SRGAP1: variants seen among roughly 807,000 people sequenced by gnomAD.
SRGAP1 encodes SLIT-ROBO Rho GTPase activating protein 1.
In SRGAP1, 43 loss-of-function variants were observed where a neutral mutation model predicts 121.9. The ratio of observed to expected loss-of-function variants is 0.35; its 90% CI spans 0.28 to 0.46. The LOEUF (loss-of-function observed/expected upper bound fraction) is 0.46. Ranked by LOEUF, SRGAP1 falls within the 20% of genes least tolerant of loss-of-function variation. SRGAP1 has a pLI of 1.00. For missense variants in SRGAP1, 1,102 were observed against 1,350.9 expected (o/e 0.82, Z 2.89); for synonymous variants, 447 against 485.4 (o/e 0.92, Z 1.04).
intron 3 of SRGAP1, among the ~76,000 whole-genome samples, chr12:64,001,079 C>T (rs566844857): frequency 5.9e-5 from 9 of 152,198 alleles, no homozygotes; most frequent in Non-Finnish European, 1.2e-4. Context: ...CACACAAACA[C>T]GTAGTACTTT....
At chr12:63,987,751 A>G (rs375335546) in intron 2 of SRGAP1, among the ~76,000 whole-genome samples, 1 of 152,142 alleles carries the variant, frequency 6.6e-6, no homozygotes, top group Non-Finnish European at 1.5e-5. Context: ...AAAAGAAGAT[A>G]CAAAGAATCT....
chr12:64,091,853 C>T (rs1037633497), intron 12 of SRGAP1: 4 of 1,514,270 alleles, frequency 2.6e-6, no homozygotes, highest in South Asian at 2.4e-5. Flanking sequence ...GTTTACTCTT[C>T]GTCTTCTTTT....
At chr12:63,852,598 C>A (rs1448413145) in intron 1 of SRGAP1, among the ~76,000 whole-genome samples, 2 of 152,186 alleles carry the variant, frequency 1.3e-5, no homozygotes, top group African/African-American at 4.8e-5. Context: ...CCCTGGGCTG[C>A]CACGTATTTA....
At chr12:63,855,935 C>T (rs1200511279) in intron 1 of SRGAP1, among the ~76,000 whole-genome samples, 2 of 152,032 alleles carry the variant, frequency 1.3e-5, no homozygotes, top group African/African-American at 2.4e-5. Flanking sequence ...TATCTGCTCC[C>T]AGTCTGTAGC....
chr12:64,072,108 C>CGGTGTGTGTGTGTG (rs1555171579), intron 8 of SRGAP1, among the ~76,000 whole-genome samples: 1 of 80,366 alleles, frequency 1.2e-5, no homozygotes, highest in East Asian at 4.7e-4. Context: ...CAATCTCTCT[C>CGGTGTGTGTGTGTG]TGTGTGTGTG....
At chr12:64,084,806 G>A (rs1379959058) in intron 10 of SRGAP1, among the ~76,000 whole-genome samples, 1 of 151,810 alleles carries the variant, frequency 6.6e-6, no homozygotes, top group African/African-American at 2.4e-5. Flanking sequence ...TCATTTCTAA[G>A]GAATTCTCAT....
At chr12:64,011,654 AAAC>A (rs1048804547) in intron 3 of SRGAP1, among the ~76,000 whole-genome samples, 14 of 152,220 alleles carry the variant, frequency 9.2e-5, no homozygotes, top group Admixed American at 3.3e-4. Flanking sequence ...GAAACATTGG[AAAC>A]AGTACACTTA....
At chr12:63,993,686 G>C (rs1593014113) in intron 3 of SRGAP1, among the ~76,000 whole-genome samples, 1 of 152,162 alleles carries the variant, frequency 6.6e-6, no homozygotes, top group East Asian at 1.9e-4. Context: ...AAGGAGTTTG[G>C]AGCAGGTAAT....
intron 3 of SRGAP1, among the ~76,000 whole-genome samples, chr12:64,003,047 AGAG>A (rs1201862171): frequency 7.6e-6 from 1 of 131,580 alleles, no homozygotes; most frequent in Admixed American, 8.0e-5. Flanking sequence ...AGAGAGAGAG[AGAG>A]AAAGAGAGAA....
Position 64,161,868 on chromosome 12 carries a change from A to G in SRGAP1, c.*19196A>G, listed in dbSNP as rs183515968. The G allele has an allele frequency of 6.6e-6, 1 of 152,376 alleles. No homozygotes were observed. Among genetic ancestry groups the G allele is most frequent in the Non-Finnish European group, 1.5e-5 (1 of 68,042 alleles). 9.4% of individuals were successfully genotyped at this position (152,376 alleles called of 1,614,324 possible). A position where few individuals can be genotyped will look rare whatever the true frequency, so the allele number is the denominator to read the frequency against. ...CAAATGTGGTATATTGATACAATGG[A>G]ATACTATTCTGTAATGAAGATGGGA... is the stretch of plus-strand genomic sequence containing the variant. On this transcript the variant is annotated 3_prime_UTR_variant, in exon 22 of 22. Transcript: ENST00000355086.
chr12:63,907,931 T>C (rs1411036285), intron 1 of SRGAP1, among the ~76,000 whole-genome samples: 1 of 152,216 alleles, frequency 6.6e-6, no homozygotes, highest in Admixed American at 6.5e-5. Flanking sequence ...GGATATCCAG[T>C]TGTGCAGCAC....
chr12:63,950,362 C>T (rs2032247106), intron 1 of SRGAP1, among the ~76,000 whole-genome samples: 1 of 152,188 alleles, frequency 6.6e-6, no homozygotes, highest in Non-Finnish European at 1.5e-5. Context: ...GTCCCTGCAC[C>T]AGGAGTGTGG....
chr12:63,980,082 ACT>A (rs543112699), intron 1 of SRGAP1, among the ~76,000 whole-genome samples: 46 of 152,128 alleles, frequency 3.0e-4, no homozygotes, highest in Middle Eastern at 6.8e-3. Context: ...ACAGGGTGTC[ACT>A]CTGTTGTCCG....
chr12:64,141,239 A>G (rs2036953562), intron 21 of SRGAP1, among the ~76,000 whole-genome samples: 1 of 147,128 alleles, frequency 6.8e-6, no homozygotes, highest in East Asian at 2.0e-4. Context: ...AACCTGCACA[A>G]TGTGCACATG....
At chr12:64,035,301 C>T (rs376647427) in intron 4 of SRGAP1, among the ~76,000 whole-genome samples, 11 of 150,422 alleles carry the variant, frequency 7.3e-5, no homozygotes, top group African/African-American at 2.7e-4. Flanking sequence ...CTACCTAATT[C>T]TCACTCAGCC....
chr12:63,878,148 C>T (rs761314198), intron 1 of SRGAP1, among the ~76,000 whole-genome samples: 15 of 152,228 alleles, frequency 9.9e-5, no homozygotes, highest in Non-Finnish European at 1.8e-4. Context: ...GCCTGAAATG[C>T]GATTGGGCAT....
intron 18 of SRGAP1, among the ~76,000 whole-genome samples, chr12:64,119,710 C>G (rs187324637): frequency 6.8e-6 from 1 of 147,996 alleles, no homozygotes; most frequent in East Asian, 2.0e-4. Context: ...ATTTCTTCAG[C>G]TGTAACTAAT....
chr12:64,108,633 A>G (rs2036382718), intron 15 of SRGAP1: 1 of 214,740 alleles, frequency 4.7e-6, no homozygotes, highest in Middle Eastern at 1.5e-3. Context: ...ATCATATCAG[A>G]TGCAAAATTT....
At chr12:63,883,253 T>G (rs888669534) in intron 1 of SRGAP1, among the ~76,000 whole-genome samples, 7 of 152,236 alleles carry the variant, frequency 4.6e-5, no homozygotes, top group African/African-American at 1.7e-4. Context: ...CAGGACTGTT[T>G]ATATGTTTCA....
Sources: allele counts gnomAD v4.1 joint callset (sites outside exome capture counted in the v4.1 genomes callset), GRCh38; gene constraint gnomAD v4.1.1; transcripts MANE v1.5; gene names NCBI Gene and HGNC (gene_info 2026-07-23, HGNC 2026-07-21).